Variants in PARN observed in about 807,000 individuals in gnomAD.
PARN encodes the protein poly(A)-specific ribonuclease.
A neutral mutation model predicts 102.8 loss-of-function variants in PARN; 71 were observed. The ratio of observed to expected loss-of-function variants is 0.69; its 90% CI spans 0.57 to 0.84. PARN has a LOEUF of 0.84. Ranked by LOEUF, PARN falls within the 40% of genes least tolerant of loss-of-function variation. The pLI is 0.00. For missense variants in PARN, 782 were observed against 760.9 expected (o/e 1.03, Z -0.33); for synonymous variants, 261 against 252.9 (o/e 1.03, Z -0.30).
At chr16:14,584,461 T>A (rs757744436) in intron 15 of PARN, 39 bp from the exon 16 acceptor site, 11 of 1,514,178 alleles carry the variant, frequency 7.3e-6, no homozygotes. Flanking sequence ...GATTTCATCA[T>A]CTCAGAACAA....
intron 22 of PARN, among the ~76,000 whole-genome samples, chr16:14,464,384 G>A (rs1962196649): frequency 6.6e-6 from 1 of 152,182 alleles, no homozygotes; most frequent in African/African-American, 2.4e-5. Context: ...AGAAGAAAGT[G>A]GAGCAGTATC....
In PARN at chr16:14,607,445, T is replaced by C. The variant is rs1362998252; in HGVS notation, c.659+836A>G. Reference sequence around the variant, plus strand: ...CTGGTCTTGAACTCCTGACCTCAGGTGATCTGCCCACCTCGGCCTCCCAAA... The same window carrying C: ...CTGGTCTTGAACTCCTGACCTCAGGCGATCTGCCCACCTCGGCCTCCCAAA... On this transcript the variant is annotated intron_variant, in intron 9 of 23. Transcript: ENST00000437198. 3.3e-5 allele frequency among the ~76,000 whole-genome samples: 5 copies of C among 152,178 alleles called. No homozygotes were observed. The South Asian group carries it at 8.3e-4, about 25-fold the overall frequency.
intron 21 of PARN, among the ~76,000 whole-genome samples, chr16:14,522,955 T>C (rs550943072): frequency 7.9e-5 from 12 of 151,986 alleles, no homozygotes; most frequent in Non-Finnish European, 1.8e-4. Flanking sequence ...ATTCTCAGAC[T>C]AAAGAAAAGC....
At chr16:14,561,206 C>CT (rs1171615125) in intron 18 of PARN, among the ~76,000 whole-genome samples, 1 of 151,608 alleles carries the variant, frequency 6.6e-6, no homozygotes, top group Non-Finnish European at 1.5e-5. Flanking sequence ...GTGTCCCAGG[C>CT]TGCCTAAGAA....
chr16:14,608,126 G>T, intron 9 of PARN, 155 bp downstream of exon 9: 1 of 642,794 alleles, frequency 1.6e-6, no homozygotes, highest in Non-Finnish European at 2.8e-6. Context: ...AGAAAATTAA[G>T]TGAGTATTCA....
At chr16:14,626,640 C>A (rs1387526520) in intron 5 of PARN, among the ~76,000 whole-genome samples, 1 of 149,648 alleles carries the variant, frequency 6.7e-6, no homozygotes. Context: ...GAGCCAGAGT[C>A]TCGCTCTGTT....
chr16:14,553,999 A>C, intron 20 of PARN, 66 bp downstream of exon 20: 1 of 962,446 alleles, frequency 1.0e-6, no homozygotes, highest in Non-Finnish European at 1.6e-6. Flanking sequence ...CTATCTTTCT[A>C]CTTCTGACCA....
At chr16:14,507,678 A>G (rs991133230) in intron 21 of PARN, among the ~76,000 whole-genome samples, 1 of 150,274 alleles carries the variant, frequency 6.7e-6, no homozygotes, top group East Asian at 1.9e-4. Context: ...GACAGGGGGA[A>G]AAAAAAAAGA....
chr16:14,610,104 T>C (rs1232351681), intron 7 of PARN, among the ~76,000 whole-genome samples: 1 of 152,188 alleles, frequency 6.6e-6, no homozygotes, highest in East Asian at 1.9e-4. Flanking sequence ...TACTGAAATC[T>C]CTTGCCTAGT....
chr16:14,533,421 C>CGGAGAGGGAGAG (rs150202084), intron 21 of PARN, among the ~76,000 whole-genome samples: 11 of 24,042 alleles, frequency 4.6e-4, no homozygotes, highest in South Asian at 1.5e-3. Context: ...CGTGGGGAGA[C>CGGAGAGGGAGAG]GGAGAGGGAG....
Position 14,492,614 on chromosome 16 carries a change from C to A in PARN, c.1481-9787G>T, listed in dbSNP as rs994741212. Reference sequence around the variant, plus strand: ...TACTCTGCTACCTCCCCATCCTTCCCCTCAATTAAATATGGACAGGCATGC... The same window carrying A: ...TACTCTGCTACCTCCCCATCCTTCCACTCAATTAAATATGGACAGGCATGC... On this transcript the variant is annotated intron_variant, in intron 21 of 23. Transcript: ENST00000437198. 2.0e-5 allele frequency among the ~76,000 whole-genome samples: 3 copies of A among 152,202 alleles called. No homozygotes were observed. The South Asian group carries it at 6.2e-4, about 31-fold the overall frequency.
At chr16:14,600,807 G>T (rs1221113786) in intron 11 of PARN, among the ~76,000 whole-genome samples, 1 of 152,130 alleles carries the variant, frequency 6.6e-6, no homozygotes, top group Non-Finnish European at 1.5e-5. Flanking sequence ...GTGCATGCCT[G>T]TAATCCCAGC....
At chr16:14,530,064 T>C (rs1966238138) in intron 21 of PARN, among the ~76,000 whole-genome samples, 1 of 152,208 alleles carries the variant, frequency 6.6e-6, no homozygotes, top group Admixed American at 6.5e-5. Flanking sequence ...CCCTTGGGTG[T>C]CAGACTCTTC....
At chr16:14,524,181 C>A (rs778707301) in intron 21 of PARN, among the ~76,000 whole-genome samples, 5 of 152,198 alleles carry the variant, frequency 3.3e-5, no homozygotes, top group Non-Finnish European at 7.3e-5. Context: ...CCCTAAGACA[C>A]TTAAAATATT....
chr16:14,592,232 A>G (rs1332515013), intron 13 of PARN, among the ~76,000 whole-genome samples: 2 of 152,188 alleles, frequency 1.3e-5, no homozygotes, highest in Non-Finnish European at 2.9e-5. Context: ...AAAGAAGTAC[A>G]AGTTAAATAT....
chr16:14,552,238 C>A (rs1967352110), intron 20 of PARN, 143 bp from the exon 21 acceptor site: 2 of 596,556 alleles, frequency 3.4e-6, no homozygotes, highest in African/African-American at 3.7e-5. Context: ...AAAATCTCAG[C>A]CCTACAGAGA....
intron 22 of PARN, among the ~76,000 whole-genome samples, chr16:14,460,080 C>T (rs1961880472): frequency 6.6e-6 from 1 of 152,084 alleles, no homozygotes; most frequent in Non-Finnish European, 1.5e-5. Context: ...AGGCAGAGTT[C>T]TCATGTAGAT....
chr16:14,551,980 C>T, intron 21 of PARN, 41 bp downstream of exon 21: 1 of 1,372,580 alleles, frequency 7.3e-7, no homozygotes. Context: ...GGCAACCTCT[C>T]ACTGTATTTA....
intron 22 of PARN, among the ~76,000 whole-genome samples, chr16:14,460,098 G>C (rs2151571617): frequency 6.6e-6 from 1 of 152,204 alleles, no homozygotes; most frequent in African/African-American, 2.4e-5. Context: ...GATATAAGAA[G>C]CGTAAGCCAT....
Sources: gnomAD v4.1 joint callset for allele counts (sites outside exome capture counted in the v4.1 genomes callset) on GRCh38, gnomAD v4.1.1 for gene constraint, MANE v1.5 for transcripts, NCBI Gene and HGNC (gene_info 2026-07-23, HGNC 2026-07-21) for gene names.